Variants in TRHDE observed in about 807,000 individuals in gnomAD.
The protein encoded by TRHDE is thyrotropin-releasing hormone-degrading ectoenzyme.
Under a neutral mutation model 125.7 loss-of-function variants are expected in TRHDE, and 72 were observed. That is an observed-to-expected ratio of 0.57 (90% CI 0.47 to 0.70). The LOEUF (loss-of-function observed/expected upper bound fraction) is 0.70. Ranked by LOEUF, TRHDE falls within the 30% of genes least tolerant of loss-of-function variation. The pLI, the probability that TRHDE is intolerant of heterozygous loss-of-function variation, is 0.00. For synonymous variants in TRHDE, 509 were observed against 509.1 expected (o/e 1.00, Z 0.00); for missense variants, 1,110 against 1,327.1 (o/e 0.84, Z 2.54).
At chr12:72,341,215 T>G (rs1024366965) in intron 2 of TRHDE, among the ~76,000 whole-genome samples, 5 of 151,760 alleles carry the variant, frequency 3.3e-5, no homozygotes, top group African/African-American at 1.2e-4. Flanking sequence ...ACACGTGCCA[T>G]GTTGGTTTGC....
rs573528380 is a variant in TRHDE, at chr12:72,210,466, A to G, written n.279+104714A>G. Among the ~76,000 whole-genome samples the G allele has an allele frequency of 4.6e-5, 7 of 152,318 alleles. No individual in the cohort carries two copies. In the East Asian group the frequency reaches 1.4e-3, roughly 29 times the overall value. On this transcript the variant is annotated intron_variant and non_coding_transcript_variant, in intron 2 of 4. Transcript: ENST00000548156. Reference sequence around the variant, plus strand: ...GAGAGAAAACTAATAAAGGACAGAAAGATCAGGATAACAGCAATAATGTTG... The same window carrying G: ...GAGAGAAAACTAATAAAGGACAGAAGGATCAGGATAACAGCAATAATGTTG...
At chr12:72,201,602 T>C (rs983176383) in intron 2 of TRHDE, among the ~76,000 whole-genome samples, 3 of 150,648 alleles carry the variant, frequency 2.0e-5, no homozygotes, top group African/African-American at 7.3e-5. Context: ...TGCTGGGAGG[T>C]GATAAAACAT....
chr12:72,301,526 A>C (rs1868259550), intron 2 of TRHDE, among the ~76,000 whole-genome samples: 1 of 152,202 alleles, frequency 6.6e-6, no homozygotes, highest in Non-Finnish European at 1.5e-5. Context: ...GGAGTCAAGC[A>C]CAGGCTGAAC....
intron 2 of TRHDE, among the ~76,000 whole-genome samples, chr12:72,119,912 G>A (rs1358278061): frequency 6.6e-6 from 1 of 152,094 alleles, no homozygotes; most frequent in African/African-American, 2.4e-5. Flanking sequence ...GTTTATGTGT[G>A]TCTTTATAGG....
At chr12:72,470,233 A>G (rs2135897925) in intron 4 of TRHDE, among the ~76,000 whole-genome samples, 1 of 152,316 alleles carries the variant, frequency 6.6e-6, no homozygotes, top group East Asian at 1.9e-4. Context: ...ATTAGTGTGT[A>G]TATATGGTAA....
chr12:72,125,140 CT>C (rs1875683366), intron 2 of TRHDE, among the ~76,000 whole-genome samples: 1 of 151,510 alleles, frequency 6.6e-6, no homozygotes, highest in Non-Finnish European at 1.5e-5. Context: ...TTTTCTTGTG[CT>C]TTTTTTTAAG....
intron 1 of TRHDE, chr12:72,274,981 G>A (rs1879428388): frequency 6.6e-6 from 1 of 152,218 alleles, no homozygotes; most frequent in Non-Finnish European, 1.5e-5. Flanking sequence ...ATGACTGAGG[G>A]CAGATGAACA....
intron 7 of TRHDE, among the ~76,000 whole-genome samples, chr12:72,559,367 T>C (rs1870067502): frequency 6.6e-6 from 1 of 152,228 alleles, no homozygotes; most frequent in Non-Finnish European, 1.5e-5. Flanking sequence ...TAAACAGCTT[T>C]CTAAAGCTCA....
At chr12:72,237,268 G>A (rs1175218731) in intron 2 of TRHDE, among the ~76,000 whole-genome samples, 2 of 152,102 alleles carry the variant, frequency 1.3e-5, no homozygotes. Context: ...TGAAAAAAGA[G>A]AGAGTTTCTA....
intron 2 of TRHDE, among the ~76,000 whole-genome samples, chr12:72,300,323 T>C (rs1172153427): frequency 6.6e-6 from 1 of 151,700 alleles, no homozygotes; most frequent in Non-Finnish European, 1.5e-5. Flanking sequence ...AGGACAAGAA[T>C]TGTTTCCAGT....
At chr12:72,652,848 CCT>C (rs1177226897) in intron 16 of TRHDE, among the ~76,000 whole-genome samples, 166 bp from the exon 17 acceptor site, 2 of 151,524 alleles carry the variant, frequency 1.3e-5, no homozygotes, top group African/African-American at 2.4e-5. Flanking sequence ...TGAGTTTGAT[CCT>C]CTTTTATAAA....
intron 5 of TRHDE, 128 bp downstream of exon 5, chr12:72,473,308 C>A: frequency 1.6e-6 from 1 of 617,418 alleles, no homozygotes; most frequent in Non-Finnish European, 2.8e-6. Context: ...TAAAGTGTAA[C>A]CAAAAATTGA....
chr12:72,126,765 A>T (rs1875722113), intron 2 of TRHDE, among the ~76,000 whole-genome samples: 1 of 152,206 alleles, frequency 6.6e-6, no homozygotes. Context: ...AACCCAGGAA[A>T]CACCACTCTG....
intron 2 of TRHDE, among the ~76,000 whole-genome samples, chr12:72,326,407 G>A (rs1008078189): frequency 1.3e-5 from 2 of 152,020 alleles, no homozygotes; most frequent in Non-Finnish European, 2.9e-5. Context: ...TGAGGGGCGC[G>A]GGGCTAGGGG....
At chr12:72,217,723 A>C (rs1027041327) in intron 2 of TRHDE, among the ~76,000 whole-genome samples, 5 of 152,194 alleles carry the variant, frequency 3.3e-5, no homozygotes, top group African/African-American at 4.8e-5. Context: ...TCGTTGCACA[A>C]TATAATGAAT....
chr12:72,339,625 C>A (rs1869989756), intron 2 of TRHDE, among the ~76,000 whole-genome samples: 1 of 152,110 alleles, frequency 6.6e-6, no homozygotes, highest in Non-Finnish European at 1.5e-5. Context: ...TTTATTCCTT[C>A]TGCCTGAAAA....
intron 2 of TRHDE, among the ~76,000 whole-genome samples, chr12:72,301,357 G>T (rs1439429443): frequency 6.6e-6 from 1 of 152,110 alleles, no homozygotes; most frequent in African/African-American, 2.4e-5. Context: ...GGGCCTCTGT[G>T]GGAATGTAAG....
At chr12:72,130,696 C>G (rs1439275747) in intron 2 of TRHDE, among the ~76,000 whole-genome samples, 1 of 152,080 alleles carries the variant, frequency 6.6e-6, no homozygotes, top group Non-Finnish European at 1.5e-5. Context: ...TATTTGTAAA[C>G]TAACAAGGAA....
rs1425641301 is a variant in TRHDE at position 72,636,468 on chromosome 12, C to A, written c.2675+14717C>A. 2.6e-5 allele frequency among the ~76,000 whole-genome samples: 4 copies of A among 151,376 alleles called. No individual in the cohort carries two copies. The South Asian group carries it at 8.4e-4, about 32-fold the overall frequency. On this transcript the variant is annotated intron_variant, in intron 15 of 18. Coordinates refer to ENST00000261180, the MANE Select transcript of TRHDE (RefSeq NM_013381.3). ...CTGCAAACAGGGACAATTTGACTTC[C>A]TCTTTTCCTAATTGAATACCCTTTA... is the stretch of plus-strand genomic sequence containing the variant.
Sources: gnomAD v4.1 joint callset for allele counts (sites outside exome capture counted in the v4.1 genomes callset) on GRCh38, gnomAD v4.1.1 for gene constraint, MANE v1.5 for transcripts, NCBI Gene and HGNC (gene_info 2026-07-23, HGNC 2026-07-21) for gene names.